The following CEMIP variants were observed in gnomAD, a reference collection of about 807,000 sequenced individuals.
CEMIP encodes cell migration-inducing and hyaluronan-binding protein.
CEMIP carries 105 observed loss-of-function variants against 156.9 expected under a neutral mutation model. The observed-to-expected ratio is 0.67, with a 90% CI of 0.57 to 0.79. CEMIP has a LOEUF of 0.79. CEMIP is among the 30% of genes least tolerant of loss of function. The pLI, the probability that CEMIP is intolerant of heterozygous loss-of-function variation, is 0.00. For missense variants in CEMIP, 1,457 were observed against 1,769.4 expected, an observed-to-expected ratio of 0.82 and a Z score of 3.17; for synonymous variants, 676 against 668.4, an observed-to-expected ratio of 1.01 and a Z score of -0.17.
At chr15:80,920,027 T>C (rs1900413255) in intron 14 of CEMIP, 67 bp from the exon 15 acceptor site, 3 of 1,430,830 alleles carry the variant, frequency 2.1e-6, no homozygotes, top group Non-Finnish European at 2.0e-6. Context: ...TAGTGTTTGC[T>C]GAATGCATGA....
chr15:80,943,712 C>T (rs1901430420), intron 28 of CEMIP, among the ~76,000 whole-genome samples: 1 of 152,090 alleles, frequency 6.6e-6, no homozygotes, highest in African/African-American at 2.4e-5. Flanking sequence ...CAGTACTGCT[C>T]GCCTGCTGGT....
chr15:80,801,155 C>G (rs1896365861), intron 1 of CEMIP, among the ~76,000 whole-genome samples: 1 of 152,228 alleles, frequency 6.6e-6, no homozygotes, highest in Admixed American at 6.5e-5. Context: ...CTCTCCTTCT[C>G]CAATGTATCA....
intron 3 of CEMIP, among the ~76,000 whole-genome samples, chr15:80,877,090 T>C (rs1287046015): frequency 6.6e-6 from 1 of 152,076 alleles, no homozygotes; most frequent in African/African-American, 2.4e-5. Context: ...AACCATCAGA[T>C]TTCCTGAGAC....
At chr15:80,896,414 C>G (rs1899226708) in intron 12 of CEMIP, 1 of 483,608 alleles carries the variant, frequency 2.1e-6, no homozygotes, top group African/African-American at 1.9e-5. Context: ...AAAGATGGCA[C>G]ATTCTCACAC....
intron 4 of CEMIP, 120 bp downstream of exon 4, chr15:80,878,987 G>A: frequency 1.5e-6 from 2 of 1,321,164 alleles, no homozygotes; most frequent in South Asian, 1.2e-5. Context: ...TTGGGTTCAT[G>A]TTGGCATTTG....
At position 80,923,376 on chromosome 15, in the gene CEMIP, G is replaced by C. The variant is rs1414027229; in HGVS notation, c.2202+1239G>C. 2.0e-5 allele frequency among the ~76,000 whole-genome samples: 3 copies of C among 152,164 alleles called. No individual in the cohort carries two copies. In the East Asian group the frequency reaches 5.8e-4, roughly 29 times the overall value. On this transcript the variant is annotated intron_variant, in intron 17 of 29. Transcript: ENST00000394685. ...GGGGCATACTGCTGTTGGTGGCAGGGGGAACAGTGGAGAGAATGTGTTGGC... is the reference window on the plus strand; with the variant it reads ...GGGGCATACTGCTGTTGGTGGCAGGCGGAACAGTGGAGAGAATGTGTTGGC...
In CEMIP at chr15:80,949,826, A is replaced by G. The variant is rs1351048195; in HGVS notation, c.*902A>G. 2 of 152,224 alleles carry G rather than the reference A, an allele frequency of 1.3e-5. No homozygotes were observed. The highest frequency in any genetic ancestry group is 2.9e-5 in the Non-Finnish European group (2 of 68,080). The allele number at this position is 152,224 out of a possible 1,614,324, so 9.4% of individuals were successfully genotyped here. On this transcript the variant is annotated 3_prime_UTR_variant, in exon 30 of 30. Coordinates refer to ENST00000394685, the MANE Select transcript of CEMIP (RefSeq NM_001293298.2). ...TCAGGAAGGCTTCTTGCTTACAGGAATGAAGGCTGGGGGCATTTTGCTGGG... is the reference window on the plus strand; with the variant it reads ...TCAGGAAGGCTTCTTGCTTACAGGAGTGAAGGCTGGGGGCATTTTGCTGGG...
intron 25 of CEMIP, 33 bp from the exon 26 acceptor site, chr15:80,941,816 A>T: frequency 6.2e-7 from 1 of 1,602,230 alleles, no homozygotes; most frequent in Non-Finnish European, 8.5e-7. Context: ...TTGAGTGTCC[A>T]AGCAAATGCC....
At chr15:80,897,119 C>A (rs1899258853) in intron 12 of CEMIP, 2 of 324,632 alleles carry the variant, frequency 6.2e-6, no homozygotes, top group African/African-American at 2.2e-5. Flanking sequence ...GATATATTAC[C>A]AGAAGAAAGG....
chr15:80,900,270 C>T (rs868026705), intron 12 of CEMIP, among the ~76,000 whole-genome samples: 2 of 152,174 alleles, frequency 1.3e-5, no homozygotes, highest in African/African-American at 2.4e-5. Flanking sequence ...TTCTTGATCA[C>T]GTTTGACTGC....
chr15:80,933,116 G>A (rs986305462), intron 22 of CEMIP, 129 bp from the exon 23 acceptor site: 5 of 803,478 alleles, frequency 6.2e-6, no homozygotes, highest in Admixed American at 6.1e-5. Flanking sequence ...TTCTCTCAGT[G>A]CCCGAGAGCA....
At chr15:80,919,187 G>C (rs1900381389) in intron 14 of CEMIP, among the ~76,000 whole-genome samples, 1 of 152,176 alleles carries the variant, frequency 6.6e-6, no homozygotes, top group South Asian at 2.1e-4. Context: ...CACGTCTTGG[G>C]CTGACAAGCT....
chr15:80,901,080 T>C lies in CEMIP; in HGVS notation c.1411+5020T>C, dbSNP rs545917824. 1,035 of 407,224 alleles carry C rather than the reference T, an allele frequency of 2.5e-3. 2 individuals carry two copies. The highest frequency in any genetic ancestry group is 4.3e-3 in the Non-Finnish European group (865 of 200,634). The allele number at this position is 407,224 out of a possible 1,614,324, so 25.2% of individuals were successfully genotyped here. On this transcript the variant is annotated intron_variant, in intron 12 of 29. Transcript: ENST00000394685. ...TTACCAACACCTCACAGTGTGGCAG[T>C]TGGAACTCCCCTCCCTTGATTTTCC...
chr15:80,878,620 T>C, intron 3 of CEMIP, 101 bp from the exon 4 acceptor site: 4 of 1,470,536 alleles, frequency 2.7e-6, no homozygotes, highest in East Asian at 4.6e-5. Context: ...AGAGAGGAGG[T>C]AGGGGCCTTA....
intron 14 of CEMIP, among the ~76,000 whole-genome samples, chr15:80,918,790 G>C (rs117651617): frequency 0.013 from 1,929 of 152,192 alleles, 14 homozygotes; most frequent in Non-Finnish European, 0.021. Context: ...GCAGAAGCAG[G>C]GTACCTGTTT....
chr15:80,864,897 G>T (rs993910591), intron 1 of CEMIP, among the ~76,000 whole-genome samples: 1 of 152,196 alleles, frequency 6.6e-6, no homozygotes, highest in African/African-American at 2.4e-5. Context: ...CACTTGGTCA[G>T]TAGGTCTGGA....
chr15:80,842,241 C>G (rs1226902222), intron 1 of CEMIP, among the ~76,000 whole-genome samples: 2 of 152,146 alleles, frequency 1.3e-5, no homozygotes, highest in Non-Finnish European at 2.9e-5. Context: ...GAATTACGCA[C>G]AAAGTAGCTT....
intron 1 of CEMIP, among the ~76,000 whole-genome samples, chr15:80,818,040 C>T (rs1292399069): frequency 1.3e-5 from 2 of 152,034 alleles, no homozygotes; most frequent in East Asian, 1.9e-4. Context: ...TGAGAGGATC[C>T]GATGGAATGA....
At chr15:80,859,928 G>T (rs1302823707) in intron 1 of CEMIP, among the ~76,000 whole-genome samples, 1 of 152,158 alleles carries the variant, frequency 6.6e-6, no homozygotes, top group African/African-American at 2.4e-5. Flanking sequence ...TCCTGCCCCA[G>T]ATCCACAGTC....
Sources: allele counts gnomAD v4.1 joint callset (sites outside exome capture counted in the v4.1 genomes callset), GRCh38; gene constraint gnomAD v4.1.1; transcripts MANE v1.5; gene names NCBI Gene and HGNC (gene_info 2026-07-23, HGNC 2026-07-21).